SOAT1: variants seen among roughly 807,000 people sequenced by gnomAD.
SOAT1 encodes acyl-coenzyme A:cholesterol acyltransferase 1.
In SOAT1, 55 loss-of-function variants were observed where a neutral mutation model predicts 69.5. That is an observed-to-expected ratio of 0.79 (90% CI 0.64 to 0.99). SOAT1 has a LOEUF of 0.99. Ranked by LOEUF, SOAT1 falls within the 50% of genes least tolerant of loss-of-function variation. The pLI, the probability that SOAT1 is intolerant of heterozygous loss-of-function variation, is 0.00. For missense variants in SOAT1, 580 were observed against 669.3 expected, an observed-to-expected ratio of 0.87 and a Z score of 1.47; for synonymous variants, 231 against 224.7, an observed-to-expected ratio of 1.03 and a Z score of -0.25.
At chr1:179,303,171 A>G (rs72715514) in intron 2 of SOAT1, among the ~76,000 whole-genome samples, 5,214 of 152,330 alleles carry the variant, frequency 0.034, 119 homozygotes, top group Non-Finnish European at 0.051. Context: ...GATTTATCAC[A>G]GTGTAATATT....
intron 2 of SOAT1, among the ~76,000 whole-genome samples, chr1:179,309,823 C>T (rs574649379): frequency 6.6e-6 from 1 of 151,762 alleles, no homozygotes; most frequent in South Asian, 2.1e-4. Context: ...GTGTGCTTTG[C>T]CATGTTTTGT....
chr1:179,299,196 G>A (rs1018147871), intron 1 of SOAT1, among the ~76,000 whole-genome samples: 3 of 152,172 alleles, frequency 2.0e-5, no homozygotes, highest in African/African-American at 4.8e-5. Flanking sequence ...GCGGTTTAGC[G>A]ATTAGAGGGC....
At chr1:179,299,465 T>C (rs1182411315) in intron 1 of SOAT1, among the ~76,000 whole-genome samples, 1 of 152,108 alleles carries the variant, frequency 6.6e-6, no homozygotes, top group Non-Finnish European at 1.5e-5. Flanking sequence ...AAGGCTTGAG[T>C]AGGAGTTAGC....
chr1:179,304,655 C>T (rs1664944255), intron 2 of SOAT1, among the ~76,000 whole-genome samples: 1 of 151,466 alleles, frequency 6.6e-6, no homozygotes, highest in Non-Finnish European at 1.5e-5. Flanking sequence ...TTCCTTTTTC[C>T]TTCCATTCCT....
chr1:179,339,328 A>AT, intron 5 of SOAT1, 110 bp from the exon 6 acceptor site: 1 of 590,744 alleles, frequency 1.7e-6, no homozygotes, highest in Non-Finnish European at 2.8e-6. Flanking sequence ...TGGAGAGTGG[A>AT]TTAAGCATCT....
intron 7 of SOAT1, 86 bp downstream of exon 7, chr1:179,341,396 A>G (rs778672565): frequency 5.3e-6 from 7 of 1,327,486 alleles, no homozygotes; most frequent in Non-Finnish European, 7.3e-6. Context: ...TATTATTTTT[A>G]GCTGTATTAA....
At chr1:179,337,499 T>C (rs796615083) in intron 4 of SOAT1, among the ~76,000 whole-genome samples, 5 of 152,112 alleles carry the variant, frequency 3.3e-5, no homozygotes, top group East Asian at 1.9e-4. Flanking sequence ...CCAAAGTCCA[T>C]AGGGGCTGAG....
intron 11 of SOAT1, among the ~76,000 whole-genome samples, chr1:179,345,624 T>A (rs1666504112): frequency 6.6e-6 from 1 of 152,002 alleles, no homozygotes; most frequent in African/African-American, 2.4e-5. Flanking sequence ...TGCAGTGGTG[T>A]CATCATGGCT....
At chr1:179,312,965 T>C (rs1665268706) in intron 2 of SOAT1, among the ~76,000 whole-genome samples, 2 of 152,198 alleles carry the variant, frequency 1.3e-5, no homozygotes, top group Admixed American at 1.3e-4. Flanking sequence ...GAGTGGGTCA[T>C]CTCTTTGCTG....
Position 179,341,055 on chromosome 1 carries a change from T to G in SOAT1, c.525T>G (p.Ser175=), listed in dbSNP as rs956514172. 13 of 1,614,202 alleles carry G rather than the reference T, an allele frequency of 8.1e-6. No homozygotes were observed. The highest frequency in any genetic ancestry group is 8.5e-6 in the Non-Finnish European group (10 of 1,180,034). Reference sequence around the variant, plus strand: ...TGGTGCTTGAGTTCAGCCTCCTGTCTTATGCTTTTGGCAAATTTCCTACCG... The same window carrying G: ...TGGTGCTTGAGTTCAGCCTCCTGTCGTATGCTTTTGGCAAATTTCCTACCG... ...GRLVLEFSLL[S]YAFGKFPTVV... The change falls in exon 7 of 16, where the codon TCT becomes TCG. Residue 175 remains serine (S), a synonymous_variant. Coordinates refer to ENST00000367619, the MANE Select transcript of SOAT1 (RefSeq NM_003101.6).
At position 179,301,870 on chromosome 1, in the gene SOAT1, A is replaced by G. The variant is rs1664841044; in HGVS notation, c.-8-807A>G. ...GAATGCACAGTTCTCATCCTTCAAG[A>G]CTGTGTCTAAAATACCTTCTTTTCT... On this transcript the variant is annotated intron_variant, in intron 1 of 15. Transcript: ENST00000367619. 2.0e-5 allele frequency among the ~76,000 whole-genome samples: 3 copies of G among 152,108 alleles called. No individual in the cohort carries two copies. The South Asian group carries it at 6.2e-4, about 32-fold the overall frequency.
rs758250809 is a variant in SOAT1, at chr1:179,335,508, A to T, written c.180A>T (p.Glu60Asp). The change falls in exon 4 of 16, where the codon GAA becomes GAT. Residue 60 changes from glutamate to aspartate, a missense_variant and splice_region_variant. Physicochemically the swap from Glu to Asp is conservative, Grantham distance 45 (BLOSUM62 2). Coordinates refer to ENST00000367619, the MANE Select transcript of SOAT1 (RefSeq NM_003101.6). Reference protein sequence around the residue: ...KKIKLTAEAEELKPFFMKEVG... With the variant: ...KKIKLTAEAEDLKPFFMKEVG... ...TTTTCTTTGTTTTAAAATTCTAGGA[A>T]TTGAAGCCATTTTTTATGAAGGAAG... The T allele has an allele frequency of 6.2e-7, 1 of 1,608,308 alleles. No homozygotes were observed. The highest frequency in any genetic ancestry group is 1.7e-5 in the Admixed American group (1 of 58,944).
intron 3 of SOAT1, among the ~76,000 whole-genome samples, chr1:179,323,830 C>G (rs575227687): frequency 6.6e-6 from 1 of 152,040 alleles, no homozygotes; most frequent in Non-Finnish European, 1.5e-5. Context: ...TAGCAGCTCT[C>G]CAATAAATGT....
chr1:179,342,781 G>A, intron 8 of SOAT1, 81 bp from the exon 9 acceptor site: 1 of 967,272 alleles, frequency 1.0e-6, no homozygotes, highest in Admixed American at 1.8e-5. Flanking sequence ...TCCCTGTTCT[G>A]TGCTTCCTTA....
At chr1:179,325,301 C>T (rs186506130) in intron 3 of SOAT1, among the ~76,000 whole-genome samples, 2 of 151,392 alleles carry the variant, frequency 1.3e-5, no homozygotes, top group Admixed American at 6.6e-5. Context: ...AGGTGCCCAC[C>T]ACCATGCCCG....
In SOAT1 at chr1:179,337,895, G is replaced by A; in HGVS notation, c.388G>A (p.Asp130Asn). 1 of 1,597,040 alleles carries A rather than the reference G, an allele frequency of 6.3e-7. No individual in the cohort carries two copies. The highest frequency in any genetic ancestry group is 2.2e-5 in the East Asian group (1 of 44,740). The change falls in exon 5 of 16, where the codon GAT becomes AAT. Residue 130 changes from aspartate (D) to asparagine (N), a missense_variant and splice_region_variant. Transcript: ENST00000367619. ...KIFIARRSLL[D>N]ELLEVDHIRT... ...TTTTATTGCAAGGCGCTCTCTCTTA[G>A]AGTGAGTATTTTTAGTTGTTTTTAA...
rs562586096 is a variant in SOAT1, at chr1:179,353,800, G to T, written c.*159G>T. 6 of 663,558 alleles carry T rather than the reference G, an allele frequency of 9.0e-6. No individual in the cohort carries two copies. The highest frequency in any genetic ancestry group is 1.6e-5 in the Non-Finnish European group (6 of 378,904). 41.1% of individuals were successfully genotyped at this position (663,558 alleles called of 1,614,324 possible). A position where few individuals can be genotyped will look rare whatever the true frequency, so the allele number is the denominator to read the frequency against. On this transcript the variant is annotated 3_prime_UTR_variant, in exon 16 of 16. Coordinates refer to ENST00000367619, the MANE Select transcript of SOAT1 (RefSeq NM_003101.6). The stretch of plus-strand genomic sequence containing the variant: ...TTCCTAGGTCACTTGAAGCCAAACT[G>T]TTGGAAGTTCACTGGAGTCTTGTAC...
At chr1:179,350,506 A>G (rs749825287) in intron 14 of SOAT1, 75 bp downstream of exon 14, 102 of 1,411,148 alleles carry the variant, frequency 7.2e-5, no homozygotes, top group Non-Finnish European at 9.3e-5. Context: ...AAACTATAAA[A>G]TCAATGTAGG....
chr1:179,332,963 C>G (rs1666020443), intron 3 of SOAT1, among the ~76,000 whole-genome samples: 1 of 152,160 alleles, frequency 6.6e-6, no homozygotes, highest in Non-Finnish European at 1.5e-5. Context: ...GCCCCAGTGG[C>G]AGCACCTTCT....
Sources: allele counts gnomAD v4.1 joint callset (sites outside exome capture counted in the v4.1 genomes callset), GRCh38; gene constraint gnomAD v4.1.1; transcripts MANE v1.5; gene names NCBI Gene and HGNC (gene_info 2026-07-23, HGNC 2026-07-21).